Variants in CERK observed in about 807,000 individuals in gnomAD.
CERK encodes acylsphingosine kinase.
In CERK, 39 loss-of-function variants were observed where a neutral mutation model predicts 63.4. The observed-to-expected ratio is 0.61, with a 90% CI of 0.48 to 0.80. The LOEUF is 0.80. Ranked by LOEUF, CERK falls within the 30% of genes least tolerant of loss-of-function variation. The pLI is 0.00. For synonymous variants in CERK, 302 were observed against 280.0 expected (o/e 1.08, Z -0.78); for missense variants, 670 against 714.1 (o/e 0.94, Z 0.70).
chr22:46,706,269 G>A (rs1009584275), intron 6 of CERK, among the ~76,000 whole-genome samples: 1 of 152,118 alleles, frequency 6.6e-6, no homozygotes, highest in African/African-American at 2.4e-5. Context: ...CAAGGCCCAG[G>A]GGCCCTCCCG....
chr22:46,711,418 T>G (rs1290171140), intron 4 of CERK, among the ~76,000 whole-genome samples: 2 of 152,210 alleles, frequency 1.3e-5, no homozygotes, highest in African/African-American at 4.8e-5. Flanking sequence ...ATAATTTCTT[T>G]GAAAGAGATT....
chr22:46,699,242 A>G, intron 8 of CERK, 71 bp downstream of exon 8: 1 of 1,488,920 alleles, frequency 6.7e-7, no homozygotes, highest in Admixed American at 1.7e-5. Context: ...CAGTGGATTC[A>G]GTCAGGTAAC....
In CERK at chr22:46,687,216, C is replaced by T; in HGVS notation, c.1542-10G>A. On this transcript the variant is annotated splice_polypyrimidine_tract_variant and intron_variant, in intron 12 of 12. Transcript: ENST00000216264. ...CAGCTGGCAGTGGACTCTGCAGAGA[C>T]AAGCGGCCACGTGTAAACCCCACGT... 6.2e-7 allele frequency: 1 copy of T among 1,613,544 alleles called. No individual in the cohort carries two copies. Among genetic ancestry groups the T allele is most frequent in the Non-Finnish European group, 8.5e-7 (1 of 1,179,744 alleles).
Position 46,699,294 on chromosome 22 carries a change from C to G in CERK, c.943+19G>C. On this transcript the variant is annotated intron_variant, in intron 8 of 12. Coordinates refer to ENST00000216264, the MANE Select transcript of CERK (RefSeq NM_022766.6). ...GGGGCACGACCAGCGGGGAGCGAGT[C>G]TGCATTATTCTGAGTTACCTGAAAA... 2 of 1,613,528 alleles carry G rather than the reference C, an allele frequency of 1.2e-6. No individual in the cohort carries two copies. The highest frequency in any genetic ancestry group is 2.2e-5 in the East Asian group (1 of 44,876).
chr22:46,710,495 C>T (rs764409081), intron 5 of CERK, among the ~76,000 whole-genome samples: 18 of 151,486 alleles, frequency 1.2e-4, no homozygotes, highest in South Asian at 2.1e-4. Flanking sequence ...TGGCTGTACA[C>T]GGCAGAGATT....
chr22:46,734,011 G>T (rs1311739844), intron 1 of CERK, among the ~76,000 whole-genome samples: 1 of 151,692 alleles, frequency 6.6e-6, no homozygotes, highest in Non-Finnish European at 1.5e-5. Flanking sequence ...ACTCCAGCCT[G>T]GGAAACAGAG....
In CERK at chr22:46,701,694, C is replaced by G; in HGVS notation, c.732G>C (p.Val244=). The change falls in exon 7 of 13, where the codon GTG becomes GTC. Residue 244 remains valine, a synonymous_variant. Coordinates refer to ENST00000216264, the MANE Select transcript of CERK (RefSeq NM_022766.6). ...CGCTGGTGCCCACGGTGGAGTAACA[C>G]ACGCAGTCCGTTGACCCTGTAAAGG... ...GIIPAGSTDC[V]CYSTVGTSDA... 6.4e-7 allele frequency: 1 copy of G among 1,557,378 alleles called. No homozygotes were observed. The highest frequency in any genetic ancestry group is 8.7e-7 in the Non-Finnish European group (1 of 1,150,294).
intron 9 of CERK, chr22:46,693,890 T>G (rs2082743459): frequency 3.8e-6 from 1 of 265,942 alleles, no homozygotes; most frequent in East Asian, 1.0e-4. Context: ...ATACAGGGTT[T>G]ATCTGTTACA....
chr22:46,708,842 T>G (rs144202839), intron 5 of CERK, among the ~76,000 whole-genome samples: 40 of 152,138 alleles, frequency 2.6e-4, no homozygotes, highest in African/African-American at 8.9e-4. Context: ...AAGAGAGGGT[T>G]GCAGGGGGAA....
At chr22:46,696,959 C>T (rs544907615) in intron 8 of CERK, among the ~76,000 whole-genome samples, 2 of 152,324 alleles carry the variant, frequency 1.3e-5, no homozygotes, top group East Asian at 1.9e-4. Context: ...AAAGGGCAGT[C>T]GGGAGAATGG....
intron 10 of CERK, among the ~76,000 whole-genome samples, chr22:46,692,915 AAAAAAAAAAGAAGAG>A (rs1480080966): frequency 1.3e-5 from 2 of 151,046 alleles, no homozygotes; most frequent in Non-Finnish European, 3.0e-5. Context: ...AAAAAAAAAA[AAAAAAAAAAGAAGAG>A]AAAGAGAAAA....
intron 6 of CERK, among the ~76,000 whole-genome samples, chr22:46,702,699 G>A (rs180693091): frequency 3.3e-5 from 5 of 152,360 alleles, no homozygotes; most frequent in East Asian, 1.9e-4. Flanking sequence ...GCTTCAGCCC[G>A]ATGTTCCCCG....
intron 7 of CERK, among the ~76,000 whole-genome samples, chr22:46,700,607 G>T (rs7292304): frequency 0.068 from 10,363 of 152,184 alleles, 404 homozygotes; most frequent in African/African-American, 0.097. Context: ...CAGCTACTTA[G>T]AAGACTGAGG....
At chr22:46,717,389 T>C (rs2082871526) in intron 3 of CERK, among the ~76,000 whole-genome samples, 1 of 152,248 alleles carries the variant, frequency 6.6e-6, no homozygotes, top group Admixed American at 6.5e-5. Context: ...GACCAGCCAC[T>C]GTACCATGGG....
chr22:46,736,010 A>G (rs2082971210), intron 1 of CERK, among the ~76,000 whole-genome samples: 1 of 152,176 alleles, frequency 6.6e-6, no homozygotes, highest in Admixed American at 6.5e-5. Context: ...TCCTGGAGGA[A>G]GCCCACCAGC....
At chr22:46,725,166 C>G (rs1455826894) in intron 1 of CERK, among the ~76,000 whole-genome samples, 1 of 152,132 alleles carries the variant, frequency 6.6e-6, no homozygotes, top group African/African-American at 2.4e-5. Context: ...GCACTTACCC[C>G]TTCTCCTGCT....
At chr22:46,695,412 AT>A in intron 8 of CERK, 97 bp from the exon 9 acceptor site, 2 of 800,798 alleles carry the variant, frequency 2.5e-6, no homozygotes, top group Non-Finnish European at 4.4e-6. Context: ...CTGAGCGCGC[AT>A]CTGCCTAAAC....
Position 46,712,180 on chromosome 22 carries a change from T to C in CERK, c.493A>G (p.Thr165Ala). 6.2e-7 allele frequency: 1 copy of C among 1,614,184 alleles called. No homozygotes were observed. ...APLFTLASITTDIIVTEHANQ... is the reference protein window; with the variant it reads ...APLFTLASITADIIVTEHANQ... ...TAGAATTTGTTACCGATGATGTCAG[T>C]GGTGATGGAGGCTAAGGTGAACAGT... The change falls in exon 4 of 13, where the codon ACT becomes GCT. Residue 165 changes from threonine to alanine, a missense_variant. Coordinates refer to ENST00000216264, the MANE Select transcript of CERK (RefSeq NM_022766.6).
At chr22:46,723,347 A>C (rs2082901982) in intron 1 of CERK, among the ~76,000 whole-genome samples, 1 of 152,192 alleles carries the variant, frequency 6.6e-6, no homozygotes, top group Non-Finnish European at 1.5e-5. Context: ...GGGCGGACAC[A>C]GTGGCTCACG....
Sources: allele counts gnomAD v4.1 joint callset (sites outside exome capture counted in the v4.1 genomes callset), GRCh38; gene constraint gnomAD v4.1.1; transcripts MANE v1.5; gene names NCBI Gene and HGNC (gene_info 2026-07-23, HGNC 2026-07-21).